PTPRT: variants seen among roughly 807,000 people sequenced by gnomAD.
The protein encoded by PTPRT is protein tyrosine phosphatase receptor type T.
PTPRT carries 56 observed loss-of-function variants against 176.8 expected under a neutral mutation model. The observed-to-expected ratio is 0.32, with a 90% CI of 0.26 to 0.40. The LOEUF is 0.40. Among genes scored for constraint, PTPRT ranks in the 10% least tolerant of loss-of-function variants. The pLI, the probability that PTPRT is intolerant of heterozygous loss-of-function variation, is 1.00. For synonymous variants in PTPRT, 783 were observed against 739.0 expected, an observed-to-expected ratio of 1.06 and a Z score of -0.96; for missense variants, 1,540 against 1,908.2, an observed-to-expected ratio of 0.81 and a Z score of 3.60.
the PTPRT span, among the ~76,000 whole-genome samples, chr20:42,032,676 A>G: frequency 2.6e-5 from 4 of 152,138 alleles, no homozygotes; most frequent in African/African-American, 7.2e-5. Flanking sequence ...AATGAATGTC[A>G]TTAGTGATGG....
At chr20:42,536,757 C>CT (rs777162034) in intron 7 of PTPRT, among the ~76,000 whole-genome samples, 2 of 152,212 alleles carry the variant, frequency 1.3e-5, no homozygotes, top group African/African-American at 4.8e-5. Context: ...GAAATGAAAA[C>CT]TTTTTTTGTA....
chr20:43,062,417 G>C (rs1032687055), intron 1 of PTPRT, among the ~76,000 whole-genome samples: 2 of 152,150 alleles, frequency 1.3e-5, no homozygotes, highest in African/African-American at 4.8e-5. Flanking sequence ...ACACCTGGGG[G>C]AAAACCAGGC....
chr20:42,087,533 C>T (rs1984104234), intron 27 of PTPRT, among the ~76,000 whole-genome samples: 1 of 150,148 alleles, frequency 6.7e-6, no homozygotes, highest in South Asian at 2.1e-4. Flanking sequence ...AGGTGTGAGC[C>T]ACTGCACCTG....
At chr20:42,372,794 T>C (rs898182265) in intron 9 of PTPRT, among the ~76,000 whole-genome samples, 5 of 152,124 alleles carry the variant, frequency 3.3e-5, no homozygotes, top group African/African-American at 1.2e-4. Context: ...TTTTTCACCA[T>C]GTGAGGATGC....
At chr20:43,050,279 C>T (rs1986993343) in intron 1 of PTPRT, among the ~76,000 whole-genome samples, 1 of 152,202 alleles carries the variant, frequency 6.6e-6, no homozygotes, top group Non-Finnish European at 1.5e-5. Context: ...GGACACACGA[C>T]TGGTGGTGAT....
At chr20:42,860,060 A>G (rs187940640) in intron 2 of PTPRT, among the ~76,000 whole-genome samples, 1 of 152,344 alleles carries the variant, frequency 6.6e-6, no homozygotes, top group Non-Finnish European at 1.5e-5. Flanking sequence ...TTTTACATTT[A>G]ACTGAAATGC....
Position 42,270,290 on chromosome 20 carries a change from G to C in PTPRT, c.2176+12199C>G, listed in dbSNP as rs567390796. 33 of 968,424 alleles carry C rather than the reference G, an allele frequency of 3.4e-5. No individual in the cohort carries two copies. In the Admixed American group the frequency reaches 7.0e-4, roughly 21 times the overall value. 60.0% of individuals were successfully genotyped at this position (968,424 alleles called of 1,614,324 possible). On this transcript the variant is annotated intron_variant, in intron 13 of 30. Transcript: ENST00000373187. ...TGAATGGGTGGGGGGGTGGGTGGGTGGGTGGGGTGGAAAGACTGCTGATTC... is the reference window on the plus strand; with the variant it reads ...TGAATGGGTGGGGGGGTGGGTGGGTCGGTGGGGTGGAAAGACTGCTGATTC...
chr20:42,758,508 T>TA (rs2076869734), intron 5 of PTPRT, among the ~76,000 whole-genome samples: 6 of 152,300 alleles, frequency 3.9e-5, no homozygotes, highest in African/African-American at 1.2e-4. Flanking sequence ...GGCTACAGGC[T>TA]CCAGGCTACA....
At chr20:42,051,114 A>T in the PTPRT span, among the ~76,000 whole-genome samples, 129 of 152,316 alleles carry the variant, frequency 8.5e-4, 2 homozygotes, top group Non-Finnish European at 1.1e-3. Flanking sequence ...AGCACCATGG[A>T]GACCAGCAGA....
chr20:42,904,064 A>G (rs1446233056), intron 1 of PTPRT, among the ~76,000 whole-genome samples: 2 of 152,186 alleles, frequency 1.3e-5, no homozygotes, highest in East Asian at 1.9e-4. Flanking sequence ...AAAACAGACC[A>G]TCTACCTCAA....
At chr20:42,508,964 GATATAAATT>G (rs1307981172) in intron 7 of PTPRT, among the ~76,000 whole-genome samples, 3 of 125,742 alleles carry the variant, frequency 2.4e-5, no homozygotes, top group African/African-American at 8.9e-5. Flanking sequence ...TTAATTTATA[GATATAAATT>G]ATATAATTTA....
chr20:42,768,634 G>A (rs1052737810), intron 5 of PTPRT, among the ~76,000 whole-genome samples: 19 of 152,176 alleles, frequency 1.2e-4, no homozygotes, highest in Non-Finnish European at 2.4e-4. Flanking sequence ...AGTAACGTGT[G>A]CAGAAATGCG....
At chr20:42,210,909 C>G (rs1388294387) in intron 15 of PTPRT, among the ~76,000 whole-genome samples, 2 of 151,156 alleles carry the variant, frequency 1.3e-5, no homozygotes, top group Admixed American at 1.3e-4. Flanking sequence ...TACAAGGCTA[C>G]AGTAACCAAA....
At chr20:42,610,396 T>G (rs1222510305) in intron 7 of PTPRT, among the ~76,000 whole-genome samples, 7 of 151,716 alleles carry the variant, frequency 4.6e-5, no homozygotes, top group South Asian at 4.2e-4. Flanking sequence ...TTTTTTGTTT[T>G]TTTTTTTGAG....
chr20:43,154,645 G>T (rs2014465133), intron 1 of PTPRT, among the ~76,000 whole-genome samples: 2 of 152,274 alleles, frequency 1.3e-5, no homozygotes, highest in African/African-American at 4.8e-5. Flanking sequence ...TAGGAGAAAA[G>T]CTCCATGACA....
Position 43,102,284 on chromosome 20 carries a change from T to TCACACACACACACACACA in PTPRT, c.88+87344_88+87361dup, listed in dbSNP as rs57029983. Among the ~76,000 whole-genome samples, 333 of 140,538 alleles carry TCACACACACACACACACA rather than the reference T, an allele frequency of 2.4e-3. 4 individuals are homozygous for TCACACACACACACACACA. The highest frequency in any genetic ancestry group is 7.6e-3 in the African/African-American group (285 of 37,742). 92.2% of individuals were successfully genotyped at this position (140,538 alleles called of 152,430 possible). A position where few individuals can be genotyped will look rare whatever the true frequency, so the allele number is the denominator to read the frequency against. ...TCTCTCTGTCTCTTTCACTCACACATCACACACACACACACACACACACAC... is the reference window on the plus strand; with the variant it reads ...TCTCTCTGTCTCTTTCACTCACACATCACACACACACACACACACACACACACACACACACACACACAC... On this transcript the variant is annotated intron_variant, in intron 1 of 30. Coordinates refer to ENST00000373187, the MANE Select transcript of PTPRT (RefSeq NM_007050.6).
At chr20:42,158,042 G>C (rs546922109) in intron 17 of PTPRT, among the ~76,000 whole-genome samples, 1 of 152,276 alleles carries the variant, frequency 6.6e-6, no homozygotes, top group South Asian at 2.1e-4. Flanking sequence ...CCTAGCCAAG[G>C]CTCTGAACAC....
chr20:42,843,902 A>C (rs1376142801), intron 2 of PTPRT, among the ~76,000 whole-genome samples: 1 of 152,264 alleles, frequency 6.6e-6, no homozygotes, highest in Non-Finnish European at 1.5e-5. Flanking sequence ...CCAGGAAAAA[A>C]TAATGCATGC....
chr20:42,256,219 A>G (rs936736781), intron 13 of PTPRT, among the ~76,000 whole-genome samples: 2 of 152,236 alleles, frequency 1.3e-5, no homozygotes, highest in Non-Finnish European at 2.9e-5. Context: ...GGTAAGCACC[A>G]TAAACCTTCT....
Sources: allele counts gnomAD v4.1 joint callset (sites outside exome capture counted in the v4.1 genomes callset), GRCh38; gene constraint gnomAD v4.1.1; transcripts MANE v1.5; gene names NCBI Gene and HGNC (gene_info 2026-07-23, HGNC 2026-07-21).